Variants in CDAN1 observed in about 807,000 individuals in gnomAD.
CDAN1 encodes the protein codanin 1, also known as codanin-1.
In CDAN1, 107 loss-of-function variants were observed where a neutral mutation model predicts 139.8. That is an observed-to-expected ratio of 0.77 (90% CI 0.65 to 0.90). The LOEUF is 0.90. Ranked by LOEUF, CDAN1 falls within the 40% of genes least tolerant of loss-of-function variation. The probability of loss-of-function intolerance (pLI) is 0.00; values close to 1 mark genes in which losing one functional copy is unlikely to be tolerated. For synonymous variants in CDAN1, 776 were observed against 660.6 expected, an observed-to-expected ratio of 1.17 and a Z score of -2.68; for missense variants, 1,667 against 1,575.7, an observed-to-expected ratio of 1.06 and a Z score of -0.98.
chr15:42,736,558 C>G lies in CDAN1; in HGVS notation c.313G>C (p.Glu105Gln), dbSNP rs1163901286. 6.7e-7 allele frequency: 1 copy of G among 1,483,774 alleles called. No individual in the cohort carries two copies. The highest frequency in any genetic ancestry group is 2.3e-5 in the Admixed American group (1 of 44,190). 91.9% of individuals were successfully genotyped at this position (1,483,774 alleles called of 1,614,324 possible). Residue 105 changes from glutamate (E) to glutamine (Q), a missense_variant, in exon 2 of 28, where the codon GAG becomes CAG. Physicochemically the swap from Glu to Gln is conservative, Grantham distance 29 (BLOSUM62 2). This residue lies in a region of CDAN1 where 487 missense variants were observed against 422.2 expected (regional missense o/e 1.15). Transcript: ENST00000356231. The stretch of plus-strand genomic sequence containing the variant: ...GCCTCGGCAGCGGTGCTCTGGGCCT[C>G]GGTCGGAGGGAAAAGCTGGCTGCGC... ...GARSQLFPPTEAQSTAAEAPL... is the reference protein window; with the variant it reads ...GARSQLFPPTQAQSTAAEAPL...
At position 42,727,966 on chromosome 15, in the gene CDAN1, G is replaced by A; in HGVS notation, c.2936C>T (p.Ala979Val). Residue 979 changes from alanine (A) to valine (V), a missense_variant, in exon 22 of 28, where the codon GCC (alanine) becomes GTC (valine). Ala to Val is a moderately conservative substitution (Grantham distance 64). Transcript: ENST00000356231. ...ATCCAGGACCTTACCTGTGATGTTGGCTGACAGCCAAGCACAGGCTTTCTC... is the reference window on the plus strand; with the variant it reads ...ATCCAGGACCTTACCTGTGATGTTGACTGACAGCCAAGCACAGGCTTTCTC... ...ATEKACAWLSANITALIRREV... is the reference protein window; with the variant it reads ...ATEKACAWLSVNITALIRREV... 1 of 1,614,018 alleles carries A rather than the reference G, an allele frequency of 6.2e-7. No homozygotes were observed. Among genetic ancestry groups the A allele is most frequent in the Middle Eastern group, 1.6e-4 (1 of 6,062 alleles).
chr15:42,726,202 C>G, intron 24 of CDAN1, 42 bp from the exon 25 acceptor site: 3 of 1,609,058 alleles, frequency 1.9e-6, no homozygotes, highest in Non-Finnish European at 2.6e-6. Context: ...ATAGGTATCA[C>G]CATGCTTACT....
rs368778896 is a variant in CDAN1 at position 42,725,288 on chromosome 15, C to T, written c.3451-37G>A. The T allele has an allele frequency of 6.1e-5, 96 of 1,584,980 alleles. 1 individual carries two copies. The highest frequency in any genetic ancestry group is 1.7e-4 in the Middle Eastern group (1 of 6,016). On this transcript the variant is annotated intron_variant, in intron 26 of 27. Transcript: ENST00000356231. ...ACCGAGGTCAGGGTTGCTAGGAGGA[C>T]GACAGAGTGACCCTGATGACAGAGA...
Position 42,726,174 on chromosome 15 carries a change from G to A in CDAN1, c.3205-14C>T, listed in dbSNP as rs199584270. 9.3e-6 allele frequency: 15 copies of A among 1,612,572 alleles called. No individual in the cohort carries two copies. The highest frequency in any genetic ancestry group is 8.0e-5 in the African/African-American group (6 of 74,818). On this transcript the variant is annotated splice_polypyrimidine_tract_variant and intron_variant, in intron 24 of 27. Coordinates refer to ENST00000356231, the MANE Select transcript of CDAN1 (RefSeq NM_138477.4). ...TGGGCACAGGAACTGCGGTTGGGGT[G>A]GGGGGGAAAGAGAGACCATAGGTAT...
intron 27 of CDAN1, 23 bp downstream of exon 27, chr15:42,725,121 C>T (rs2061505475): frequency 6.4e-7 from 1 of 1,574,472 alleles, no homozygotes; most frequent in Non-Finnish European, 8.7e-7. Context: ...CTCTCTCCAC[C>T]TAAAAGACAG....
In CDAN1 at chr15:42,736,705, A is replaced by G. The variant is rs866785335; in HGVS notation, c.166T>C (p.Phe56Leu). The G allele has an allele frequency of 6.4e-7, 1 of 1,558,800 alleles. No individual in the cohort carries two copies. Among genetic ancestry groups the G allele is most frequent in the East Asian group, 2.5e-5 (1 of 39,900 alleles). Residue 56 changes from phenylalanine (F) to leucine (L), a missense_variant, in exon 2 of 28, where the codon TTC becomes CTC. Physicochemically the swap from Phe to Leu is conservative, Grantham distance 22 (BLOSUM62 0). This residue lies in a region of CDAN1 where 487 missense variants were observed against 422.2 expected (regional missense o/e 1.15). Coordinates refer to ENST00000356231, the MANE Select transcript of CDAN1 (RefSeq NM_138477.4). ...ACGCGGCTGCTCTGCTCCCTCAGGA[A>G]GTTCAACAGGAACGGTACGAATTCT... Reference protein sequence around the residue: ...RKEFVPFLLNFLREQSSRVLP... With the variant: ...RKEFVPFLLNLLREQSSRVLP...
intron 1 of CDAN1, 91 bp from the exon 2 acceptor site, chr15:42,736,871 G>A: frequency 6.9e-7 from 1 of 1,447,636 alleles, no homozygotes; most frequent in Non-Finnish European, 9.1e-7. Context: ...GCCTCGGGTG[G>A]GCGGCCCGGG....
chr15:42,728,744 C>A lies in CDAN1; in HGVS notation c.2712G>T (p.Gln904His), dbSNP rs376721314. ...GGGCTGGGTCTCCCCCTTCCTCTCC[C>A]TGTGTCACCAGCTGCTCTTGGAGAA... ...ESLLQEQLVT[Q>H]GEEGGDPAQL... Residue 904 changes from glutamine (Q) to histidine (H), a missense_variant, in exon 20 of 28, where the codon CAG (glutamine) becomes CAT (histidine). Gln to His is a conservative substitution (Grantham distance 24). This residue lies in a region of CDAN1 where 936 missense variants were observed against 844.1 expected (regional missense o/e 1.11). Coordinates refer to ENST00000356231, the MANE Select transcript of CDAN1 (RefSeq NM_138477.4). The A allele has an allele frequency of 6.8e-6, 11 of 1,614,104 alleles. No individual in the cohort carries two copies. The African/African-American group carries it at 1.5e-4, about 22-fold the overall frequency.
chr15:42,728,111 C>A, intron 21 of CDAN1, 78 bp from the exon 22 acceptor site: 1 of 1,583,172 alleles, frequency 6.3e-7, no homozygotes, highest in Non-Finnish European at 8.7e-7. Context: ...AGCACTGACC[C>A]CGCCCCCACA....
Position 42,728,204 on chromosome 15 carries a change from G to C in CDAN1, c.2868C>G (p.Ala956=). 1.2e-6 allele frequency: 2 copies of C among 1,613,380 alleles called. No homozygotes were observed. Among genetic ancestry groups the C allele is most frequent in the Non-Finnish European group, 1.7e-6 (2 of 1,179,910 alleles). The stretch of plus-strand genomic sequence containing the variant: ...AGCTGCAGGCCTCCCTCACACGTAC[G>C]GCTGCCGGGGTCTCCTCTGGAAGCA... The part of the protein sequence containing the change: ...RALLPEETPA[A]VLSSAENIAV... Residue 956 remains alanine (A), a splice_region_variant and synonymous_variant, in exon 21 of 28, where the codon GCC becomes GCG. Coordinates refer to ENST00000356231, the MANE Select transcript of CDAN1 (RefSeq NM_138477.4).
At chr15:42,725,751 G>T (rs563649779) in intron 25 of CDAN1, 81 bp from the exon 26 acceptor site, 10 of 1,421,834 alleles carry the variant, frequency 7.0e-6, no homozygotes, top group Non-Finnish European at 9.8e-6. Context: ...CCAACACTTC[G>T]GGAGGCTGAG....
Position 42,729,323 on chromosome 15 carries a change from C to G in CDAN1, c.2447G>C (p.Ser816Thr), listed in dbSNP as rs1417097661. Reference protein sequence around the residue: ...RKLLASWVSGSSGRSGGFMRK... With the variant: ...RKLLASWVSGTSGRSGGFMRK... The stretch of plus-strand genomic sequence containing the variant: ...CATGAAGCCCCCACTCCGTCCACTA[C>G]TGCCTGACACCCACGAAGCGAGCAG... Residue 816 changes from serine (S) to threonine (T), a missense_variant, in exon 18 of 28, where the codon AGT becomes ACT. Transcript: ENST00000356231. 4 of 1,614,182 alleles carry G rather than the reference C, an allele frequency of 2.5e-6. No homozygotes were observed. Among genetic ancestry groups the G allele is most frequent in the Non-Finnish European group, 3.4e-6 (4 of 1,180,022 alleles).
chr15:42,731,356 A>G (rs752332197), intron 11 of CDAN1, 25 bp from the exon 12 acceptor site: 1 of 1,612,760 alleles, frequency 6.2e-7, no homozygotes, highest in Non-Finnish European at 8.5e-7. Flanking sequence ...TGGGTGGGGC[A>G]TAAGCACTGG....
In CDAN1 at chr15:42,736,457, C is replaced by A; in HGVS notation, c.414G>T (p.Glu138Asp). The A allele has an allele frequency of 6.5e-7, 1 of 1,543,044 alleles. No homozygotes were observed. ...ARERGGRGLE[E>D]GVSGESLPGA... The stretch of plus-strand genomic sequence containing the variant: ...CGGGCAGGCTCTCCCCGCTGACCCC[C>A]TCCTCCAGGCCGCGGCCTCCACGCT... The change falls in exon 2 of 28, where the codon GAG becomes GAT. Residue 138 changes from glutamate to aspartate, a missense_variant. By Grantham distance (45) the Glu-to-Asp change is conservative. Transcript: ENST00000356231.
At chr15:42,724,760 C>CTGTT (rs1340642129) in intron 27 of CDAN1, 144 bp from the exon 28 acceptor site, 16 of 1,079,970 alleles carry the variant, frequency 1.5e-5, no homozygotes, top group South Asian at 5.5e-5. Flanking sequence ...GAAACCTTGT[C>CTGTT]TGTTTGTTAG....
intron 15 of CDAN1, 37 bp from the exon 16 acceptor site, chr15:42,729,922 A>ACGGCCCCCCCCCCCCCCCCCCC: frequency 1.3e-6 from 2 of 1,513,166 alleles, no homozygotes; most frequent in East Asian, 2.3e-5. Flanking sequence ...AACTTCAGAG[A>ACGGCCCCCCCCCCCCCCCCCCC]CCCCCACCCA....
In CDAN1 at chr15:42,729,430, C is replaced by T. The variant is rs16957104; in HGVS notation, c.2408-68G>A. 0.27 allele frequency: 430,468 copies of T among 1,607,194 alleles called. 74,260 individuals carry two copies. The highest frequency in any genetic ancestry group is 0.85 in the African/African-American group (63,668 of 74,814). On this transcript the variant is annotated intron_variant, in intron 17 of 27. Coordinates refer to ENST00000356231, the MANE Select transcript of CDAN1 (RefSeq NM_138477.4). ...CCCTCCCTAAGTATCATGGACTTTA[C>T]TTGTGGAGTCAAGAGGCTCAGATAC... is the stretch of plus-strand genomic sequence containing the variant.
At position 42,725,150 on chromosome 15, in the gene CDAN1, C is replaced by T. The variant is rs767977516; in HGVS notation, c.3552G>A (p.Trp1184Ter). 2.5e-6 allele frequency: 4 copies of T among 1,613,090 alleles called. No individual in the cohort carries two copies. The highest frequency in any genetic ancestry group is 3.4e-6 in the Non-Finnish European group (4 of 1,179,048). ...ACLGSLHQAQ[W>*]PGDFAEELAT... ...AAGACAGGAGACTCCTTACCCCTGG[C>T]CACTGGGCCTGGTGGAGGCTGCCCA... is the stretch of plus-strand genomic sequence containing the variant. The change falls in exon 27 of 28, where the codon TGG becomes TGA. Residue 1184 changes from tryptophan (W) to a stop codon, truncating the protein, a stop_gained. Coordinates refer to ENST00000356231, the MANE Select transcript of CDAN1 (RefSeq NM_138477.4). LOFTEE classifies it high-confidence loss of function.
At chr15:42,726,242 G>A (rs2061525499) in intron 24 of CDAN1, 68 bp downstream of exon 24, 1 of 1,596,368 alleles carries the variant, frequency 6.3e-7, no homozygotes, top group Non-Finnish European at 8.6e-7. Flanking sequence ...AGCCAGTGTG[G>A]CTCTGGTTAT....
Sources: allele counts gnomAD v4.1 joint callset, GRCh38; gene constraint gnomAD v4.1.1; regional missense constraint gnomAD v4.1.1; transcripts MANE v1.5; gene names NCBI Gene and HGNC (gene_info 2026-07-23, HGNC 2026-07-21).